The following VAV3 variants were observed in gnomAD, a reference collection of about 807,000 sequenced individuals.
The protein encoded by VAV3 is vav guanine nucleotide exchange factor 3, also known as guanine nucleotide exchange factor VAV3.
In VAV3, 94 loss-of-function variants were observed where a neutral mutation model predicts 131.2. The ratio of observed to expected loss-of-function variants is 0.72; its 90% confidence interval spans 0.61 to 0.85. VAV3 has a LOEUF of 0.85. VAV3 is among the 40% of genes least tolerant of loss of function. VAV3 has a pLI of 0.00. For missense variants in VAV3, 939 were observed against 1,002.7 expected (o/e 0.94, Z 0.86); for synonymous variants, 349 against 342.0 (o/e 1.02, Z -0.22).
At chr1:107,784,072 A>G (rs1665853766) in intron 2 of VAV3, among the ~76,000 whole-genome samples, 1 of 151,716 alleles carries the variant, frequency 6.6e-6, no homozygotes, top group South Asian at 2.1e-4. Context: ...ATATATATAT[A>G]TATATATTTC....
intron 22 of VAV3, 52 bp downstream of exon 22, chr1:107,609,879 A>G: frequency 6.4e-7 from 1 of 1,573,182 alleles, no homozygotes; most frequent in Non-Finnish European, 8.7e-7. Flanking sequence ...GGCATCCTGG[A>G]GCTAAGGGTA....
At chr1:107,754,277 A>T (rs946568441) in intron 12 of VAV3, among the ~76,000 whole-genome samples, 15 of 152,310 alleles carry the variant, frequency 9.8e-5, no homozygotes, top group Non-Finnish European at 2.2e-4. Flanking sequence ...CACATTTTGG[A>T]AATGCAACTA....
At chr1:107,732,715 C>T (rs558541762) in intron 15 of VAV3, among the ~76,000 whole-genome samples, 11 of 152,298 alleles carry the variant, frequency 7.2e-5, no homozygotes, top group African/African-American at 2.4e-4. Flanking sequence ...CCGGGAAGCT[C>T]GACCTGGGTG....
chr1:107,678,162 G>T (rs1317097013), intron 19 of VAV3, among the ~76,000 whole-genome samples: 1 of 151,604 alleles, frequency 6.6e-6, no homozygotes, highest in East Asian at 1.9e-4. Context: ...CTCAGCATTT[G>T]TTCACAGCTT....
At chr1:107,872,551 C>G (rs1008614775) in intron 2 of VAV3, among the ~76,000 whole-genome samples, 2 of 152,152 alleles carry the variant, frequency 1.3e-5, no homozygotes. Flanking sequence ...TGAATTAACA[C>G]TATTCACATT....
At chr1:107,630,162 T>A (rs1391403674) in intron 20 of VAV3, among the ~76,000 whole-genome samples, 2 of 152,164 alleles carry the variant, frequency 1.3e-5, no homozygotes, top group South Asian at 4.1e-4. Context: ...AAACTCAAAA[T>A]GAAAACCAGG....
rs953063574 is a variant in VAV3, at chr1:107,631,560, T to C, written c.1914+11059A>G. On this transcript the variant is annotated intron_variant, in intron 20 of 26. Transcript: ENST00000370056. ...GTTACATATGTATACATGTGCCATG[T>C]TGGTGTGCTGCACCCATTAACTCGT... Among the ~76,000 whole-genome samples, 12 of 151,732 alleles carry C rather than the reference T, an allele frequency of 7.9e-5. No homozygotes were observed. In the South Asian group the frequency reaches 1.3e-3, roughly 16 times the overall value.
At chr1:107,959,617 ATC>A (rs1364861492) in intron 1 of VAV3, among the ~76,000 whole-genome samples, 1 of 151,974 alleles carries the variant, frequency 6.6e-6, no homozygotes, top group Non-Finnish European at 1.5e-5. Flanking sequence ...GGTTCTCCCC[ATC>A]TCTCTGCCCT....
At chr1:107,943,351 A>C (rs139682335) in intron 1 of VAV3, among the ~76,000 whole-genome samples, 82 of 152,288 alleles carry the variant, frequency 5.4e-4, no homozygotes, top group South Asian at 6.2e-4. Flanking sequence ...ACAAAATTAC[A>C]TAAGATTAGT....
At chr1:107,919,849 C>G (rs1672806854) in intron 1 of VAV3, among the ~76,000 whole-genome samples, 1 of 151,824 alleles carries the variant, frequency 6.6e-6, no homozygotes, top group African/African-American at 2.4e-5. Flanking sequence ...AGAAAAGAAT[C>G]AATGTCCCAG....
At chr1:107,821,892 C>A (rs1442038797) in intron 2 of VAV3, among the ~76,000 whole-genome samples, 2 of 152,206 alleles carry the variant, frequency 1.3e-5, no homozygotes, top group Non-Finnish European at 2.9e-5. Flanking sequence ...CCAAAGCTAT[C>A]TTAGGGGAAG....
chr1:107,836,216 C>T (rs1280679528), intron 2 of VAV3, among the ~76,000 whole-genome samples: 1 of 151,756 alleles, frequency 6.6e-6, no homozygotes, highest in Admixed American at 6.6e-5. Flanking sequence ...ACCCAACAAT[C>T]ACAGAATATA....
rs997431847 is a variant in VAV3, at chr1:107,609,916, A to G, written c.2015+15T>C. On this transcript the variant is annotated intron_variant, in intron 22 of 26. Transcript: ENST00000370056. ...GGTATTTCAACCTAGCTACATAAAC[A>G]TTTTTAATACTTACCAGGGTTGGCA... The G allele has an allele frequency of 6.2e-7, 1 of 1,611,442 alleles. No individual in the cohort carries two copies. Among genetic ancestry groups the G allele is most frequent in the Non-Finnish European group, 8.5e-7 (1 of 1,178,192 alleles).
intron 1 of VAV3, among the ~76,000 whole-genome samples, chr1:107,929,891 T>C (rs1480811350): frequency 6.6e-6 from 1 of 152,090 alleles, no homozygotes; most frequent in Non-Finnish European, 1.5e-5. Context: ...TGCAACAACA[T>C]GGACAGAACT....
At chr1:107,781,478 A>G (rs568022703) in intron 2 of VAV3, among the ~76,000 whole-genome samples, 11 of 152,356 alleles carry the variant, frequency 7.2e-5, no homozygotes, top group Admixed American at 3.3e-4. Flanking sequence ...CAATGTATAC[A>G]TATTTCAAAC....
At chr1:107,761,212 A>G (rs1664397448) in intron 9 of VAV3, among the ~76,000 whole-genome samples, 1 of 151,932 alleles carries the variant, frequency 6.6e-6, no homozygotes, top group Non-Finnish European at 1.5e-5. Flanking sequence ...ACATGGTGAA[A>G]CCCCATCTCT....
intron 1 of VAV3, among the ~76,000 whole-genome samples, chr1:107,883,874 C>T (rs1670902062): frequency 6.6e-6 from 1 of 152,202 alleles, no homozygotes; most frequent in Admixed American, 6.5e-5. Context: ...TTTCTGTCAA[C>T]ACCTGCATTA....
chr1:107,895,849 A>G (rs1671545051), intron 1 of VAV3, among the ~76,000 whole-genome samples: 1 of 150,774 alleles, frequency 6.6e-6, no homozygotes. Flanking sequence ...CATTAATCAC[A>G]TAGCAATATG....
intron 20 of VAV3, among the ~76,000 whole-genome samples, chr1:107,631,939 C>T (rs190199166): frequency 8.6e-5 from 13 of 152,044 alleles, no homozygotes; most frequent in Middle Eastern, 3.4e-3. Context: ...AATAAACATA[C>T]GTGTGCATGT....
Sources: allele counts gnomAD v4.1 joint callset (sites outside exome capture counted in the v4.1 genomes callset), GRCh38; gene constraint gnomAD v4.1.1; transcripts MANE v1.5; gene names NCBI Gene and HGNC (gene_info 2026-07-23, HGNC 2026-07-21).